The following IDO2 variants were observed in gnomAD, a reference collection of about 807,000 sequenced individuals.
The protein encoded by IDO2 is indoleamine 2,3-dioxygenase 2.
IDO2 carries 46 observed loss-of-function variants against 45.1 expected under a neutral mutation model. The observed-to-expected ratio is 1.02, with a 90% CI of 0.80 to 1.30. The LOEUF (loss-of-function observed/expected upper bound fraction) is 1.30. IDO2 is among the 50% of genes most tolerant of loss of function. The probability of loss-of-function intolerance (pLI) is 0.00; values close to 1 mark genes in which losing one functional copy is unlikely to be tolerated. For missense variants in IDO2, 544 were observed against 491.8 expected, an observed-to-expected ratio of 1.11 and a Z score of -1.00; for synonymous variants, 218 against 184.9, an observed-to-expected ratio of 1.18 and a Z score of -1.45.
At chr8:39,969,946 T>A (rs1293930313) in intron 3 of IDO2, among the ~76,000 whole-genome samples, 1 of 151,510 alleles carries the variant, frequency 6.6e-6, no homozygotes, top group South Asian at 2.1e-4. Context: ...CAAAACCAGA[T>A]AGGCTTAAAG....
At chr8:39,953,127 C>A (rs1025451521) in intron 2 of IDO2, among the ~76,000 whole-genome samples, 1 of 152,104 alleles carries the variant, frequency 6.6e-6, no homozygotes, top group Non-Finnish European at 1.5e-5. Flanking sequence ...TGGTCTTGAA[C>A]TCCTGACCTC....
chr8:39,997,447 G>C (rs983457822), intron 8 of IDO2, among the ~76,000 whole-genome samples: 1 of 152,166 alleles, frequency 6.6e-6, no homozygotes, highest in African/African-American at 2.4e-5. Context: ...GCCAAGGCAG[G>C]ATCGCTTGAG....
chr8:39,967,640 A>C (rs1047585983), intron 3 of IDO2, among the ~76,000 whole-genome samples: 9 of 152,114 alleles, frequency 5.9e-5, no homozygotes, highest in Non-Finnish European at 1.2e-4. Context: ...GGCACCCGCC[A>C]CCACACCCAG....
intron 3 of IDO2, among the ~76,000 whole-genome samples, chr8:39,967,132 A>G (rs1808096828): frequency 6.6e-6 from 1 of 152,230 alleles, no homozygotes; most frequent in African/African-American, 2.4e-5. Flanking sequence ...TTCATAAAGC[A>G]TAAAGAAAAA....
At chr8:39,954,939 A>ACTG (rs1807868405) in intron 2 of IDO2, among the ~76,000 whole-genome samples, 1 of 151,424 alleles carries the variant, frequency 6.6e-6, no homozygotes, top group Non-Finnish European at 1.5e-5. Flanking sequence ...TTACAGGCAT[A>ACTG]AGCTACTGTG....
chr8:39,968,341 G>C (rs762368796), intron 3 of IDO2, among the ~76,000 whole-genome samples: 1 of 152,122 alleles, frequency 6.6e-6, no homozygotes, highest in Non-Finnish European at 1.5e-5. Context: ...ATAGCTTTAT[G>C]GTTACTAGAG....
Position 39,979,054 on chromosome 8 carries a change from CT to C in IDO2, c.196-10del. On this transcript the variant is annotated splice_polypyrimidine_tract_variant and intron_variant, in intron 3 of 10. Transcript: ENST00000502986. ...CATCCCTCCTCTGACGGCATTTGGACTTTCATGAACAGATGCCCCTGCTGAG... is the reference window on the plus strand; with the variant it reads ...CATCCCTCCTCTGACGGCATTTGGACTTCATGAACAGATGCCCCTGCTGAG... 1 of 1,568,306 alleles carries C rather than the reference CT, an allele frequency of 6.4e-7. No homozygotes were observed. Among genetic ancestry groups the C allele is most frequent in the South Asian group, 1.2e-5 (1 of 84,978 alleles).
At chr8:39,986,708 AG>A (rs1808429576) in intron 6 of IDO2, among the ~76,000 whole-genome samples, 1 of 149,404 alleles carries the variant, frequency 6.7e-6, no homozygotes, top group South Asian at 2.1e-4. Context: ...ATAGATAGAT[AG>A]ATAGATAGAC....
intron 2 of IDO2, among the ~76,000 whole-genome samples, chr8:39,952,211 T>G (rs549365589): frequency 1.3e-5 from 2 of 152,036 alleles, no homozygotes; most frequent in African/African-American, 4.8e-5. Context: ...CCAGGCAGAG[T>G]GTTGCAAGAG....
intron 6 of IDO2, chr8:39,986,984 G>A (rs1237552476): frequency 1.3e-5 from 2 of 151,812 alleles, no homozygotes; most frequent in African/African-American, 4.8e-5. Context: ...TGCGTAGCTG[G>A]GATTACAGGC....
At chr8:39,966,795 A>G (rs986716234) in intron 3 of IDO2, among the ~76,000 whole-genome samples, 7 of 152,250 alleles carry the variant, frequency 4.6e-5, no homozygotes, top group Non-Finnish European at 1.0e-4. Context: ...TAATCTTAAT[A>G]AAACTAACCT....
At chr8:39,982,655 C>T (rs1563434425) in exon 5 of IDO2, 3 of 1,599,010 alleles carry the variant, frequency 1.9e-6, no homozygotes, top group East Asian at 4.5e-5. Flanking sequence ...CTGAAAGGTC[C>T]TGCCAAGGAA....
At chr8:39,987,663 G>A (rs1217627409) in intron 6 of IDO2, 3 of 515,294 alleles carry the variant, frequency 5.8e-6, no homozygotes, top group Non-Finnish European at 1.0e-5. Context: ...CTGCCTGTCA[G>A]GTGAACATGA....
intron 1 of IDO2, among the ~76,000 whole-genome samples, chr8:39,942,238 T>C (rs7832080): frequency 0.41 from 62,935 of 151,890 alleles, 13,174 homozygotes; most frequent in East Asian, 0.59. Context: ...ATAAACATTA[T>C]GGATTTCCTG....
Position 39,961,257 on chromosome 8 carries a change from C to T in IDO2, c.100-2351C>T, listed in dbSNP as rs537639387. On this transcript the variant is annotated intron_variant, in intron 2 of 10. Coordinates refer to ENST00000502986, the Ensembl canonical transcript of IDO2. ...ATATTCCCTCACATGGCTTTATACA[C>T]TCTTGTGGTTTTAACCACAATATAG... Among the ~76,000 whole-genome samples the T allele has an allele frequency of 5.3e-5, 8 of 151,138 alleles. No homozygotes were observed. The East Asian group carries it at 1.4e-3, about 26-fold the overall frequency.
chr8:39,944,405 C>G (rs1346365791), intron 1 of IDO2, among the ~76,000 whole-genome samples: 1 of 152,102 alleles, frequency 6.6e-6, no homozygotes, highest in Non-Finnish European at 1.5e-5. Flanking sequence ...TTTTAGACTC[C>G]CCGTTTTCCT....
chr8:39,983,711 A>T (rs1808385252), intron 5 of IDO2, among the ~76,000 whole-genome samples: 1 of 151,990 alleles, frequency 6.6e-6, no homozygotes, highest in Non-Finnish European at 1.5e-5. Context: ...TAAAAATACA[A>T]AAAAATTAGC....
intron 3 of IDO2, among the ~76,000 whole-genome samples, chr8:39,969,229 G>A (rs992318411): frequency 2.0e-5 from 3 of 152,146 alleles, no homozygotes; most frequent in African/African-American, 4.8e-5. Context: ...TTTTCCAATA[G>A]TGTGTACGCA....
At chr8:40,001,330 A>G (rs1802134436) in intron 8 of IDO2, among the ~76,000 whole-genome samples, 1 of 141,394 alleles carries the variant, frequency 7.1e-6, no homozygotes, top group East Asian at 2.1e-4. Context: ...GCTCACCACA[A>G]CCTCCACTTC....
Sources: gnomAD v4.1 joint callset for allele counts (sites outside exome capture counted in the v4.1 genomes callset) on GRCh38, gnomAD v4.1.1 for gene constraint, MANE v1.5 for transcripts, NCBI Gene and HGNC (gene_info 2026-07-23, HGNC 2026-07-21) for gene names.